MEF2C: variants seen among roughly 807,000 people sequenced by gnomAD.
MEF2C encodes the protein myocyte enhancer factor 2C.
MEF2C carries 6 observed loss-of-function variants against 50.5 expected under a neutral mutation model. The ratio of observed to expected loss-of-function variants is 0.12; its 90% CI spans 0.07 to 0.23. The LOEUF (loss-of-function observed/expected upper bound fraction) is 0.23, where lower values mean the gene tolerates loss of function less well. Among genes scored for constraint, MEF2C ranks in the 10% least tolerant of loss-of-function variants. The pLI is 1.00. For missense variants in MEF2C, 276 were observed against 605.0 expected (o/e 0.46, Z 5.70); for synonymous variants, 183 against 228.0 (o/e 0.80, Z 1.78).
intron 4 of MEF2C, among the ~76,000 whole-genome samples, chr5:88,757,201 C>G (rs1038417399): frequency 2.0e-5 from 3 of 152,138 alleles, no homozygotes; most frequent in African/African-American, 7.2e-5. Context: ...AGTATCTGAA[C>G]TCTCATCCAA....
intron 6 of MEF2C, chr5:88,742,344 A>C (rs1767217538): frequency 2.0e-6 from 2 of 985,086 alleles, no homozygotes; most frequent in Non-Finnish European, 2.4e-6. Flanking sequence ...TGCTTTGAGA[A>C]AAAAAGACAA....
intron 8 of MEF2C, chr5:88,729,646 C>T (rs564286859): frequency 1.8e-5 from 6 of 332,194 alleles, no homozygotes; most frequent in Non-Finnish European, 3.4e-5. Flanking sequence ...AATATGTATA[C>T]TGTACTTCCA....
intron 1 of MEF2C, among the ~76,000 whole-genome samples, chr5:88,833,761 C>A: frequency 6.6e-6 from 1 of 152,132 alleles, no homozygotes; most frequent in East Asian, 1.9e-4. Flanking sequence ...TATGGTTAAA[C>A]TGATAATGGC....
chr5:88,746,783 G>A (rs950893992), intron 6 of MEF2C: 1 of 753,098 alleles, frequency 1.3e-6, no homozygotes, highest in East Asian at 1.3e-4. Context: ...GGACATGACA[G>A]CTAAGCTTGA....
At chr5:88,792,629 T>G (rs1323633434) in intron 3 of MEF2C, among the ~76,000 whole-genome samples, 3 of 152,198 alleles carry the variant, frequency 2.0e-5, no homozygotes, top group Non-Finnish European at 2.9e-5. Context: ...GTTGTATATC[T>G]TCCCTGTTTA....
At chr5:88,841,496 AACTTTGTCT>A (rs1336764266) in intron 1 of MEF2C, among the ~76,000 whole-genome samples, 2 of 145,446 alleles carry the variant, frequency 1.4e-5, no homozygotes, top group African/African-American at 5.3e-5. Flanking sequence ...GATGGAATAA[AACTTTGTCT>A]CAAAAAAAAA....
intron 3 of MEF2C, among the ~76,000 whole-genome samples, chr5:88,795,214 A>C (rs1795504159): frequency 6.6e-6 from 1 of 152,134 alleles, no homozygotes; most frequent in Admixed American, 6.5e-5. Flanking sequence ...GATAGCACTG[A>C]ATCTATAAAT....
At chr5:88,862,955 C>T (rs1825992037) in intron 1 of MEF2C, among the ~76,000 whole-genome samples, 1 of 152,206 alleles carries the variant, frequency 6.6e-6, no homozygotes, top group Non-Finnish European at 1.5e-5. Flanking sequence ...AAGGCCTGCA[C>T]AGCTTTTCTA....
At chr5:88,889,490 C>G (rs545864070) in intron 1 of MEF2C, 1 of 152,464 alleles carries the variant, frequency 6.6e-6, no homozygotes, top group Non-Finnish European at 1.5e-5. Flanking sequence ...GGTGAGTGCG[C>G]CACGTGCGTG....
chr5:88,767,152 A>G (rs1047120629), intron 3 of MEF2C, among the ~76,000 whole-genome samples: 1 of 152,206 alleles, frequency 6.6e-6, no homozygotes, highest in Admixed American at 6.5e-5. Flanking sequence ...ACTTCATTTA[A>G]AATTTATTCG....
chr5:88,843,540 T>C, intron 1 of MEF2C: 4 of 895,186 alleles, frequency 4.5e-6, no homozygotes, highest in Non-Finnish European at 5.3e-6. Context: ...TTATACCTTA[T>C]TCATTTTTTC....
At chr5:88,729,090 ATGCTGCAG>A (rs1212955092) in intron 9 of MEF2C, 120 bp downstream of exon 9, 1 of 970,206 alleles carries the variant, frequency 1.0e-6, no homozygotes, top group African/African-American at 1.7e-5. Context: ...AGAATGGGTA[ATGCTGCAG>A]TGCTGTGGAC....
At chr5:88,726,016 T>C (rs1450423504) in intron 10 of MEF2C, among the ~76,000 whole-genome samples, 2 of 152,170 alleles carry the variant, frequency 1.3e-5, no homozygotes, top group Admixed American at 6.6e-5. Flanking sequence ...CTATAGCAAA[T>C]AAATTTGTGT....
intron 1 of MEF2C, among the ~76,000 whole-genome samples, chr5:88,863,236 C>G (rs1356729992): frequency 2.0e-5 from 3 of 152,200 alleles, no homozygotes; most frequent in Non-Finnish European, 2.9e-5. Context: ...TTTATAATTG[C>G]ACTTTGCATA....
chr5:88,880,731 G>A (rs866768859), intron 1 of MEF2C: 1 of 151,732 alleles, frequency 6.6e-6, no homozygotes, highest in Non-Finnish European at 1.5e-5. Context: ...GAAGAAAAGA[G>A]GCAAAGTGCC....
At chr5:88,838,139 A>G (rs1815910016) in intron 1 of MEF2C, among the ~76,000 whole-genome samples, 1 of 152,208 alleles carries the variant, frequency 6.6e-6, no homozygotes, top group African/African-American at 2.4e-5. Flanking sequence ...TATGCTGCTA[A>G]GTAATATTCA....
intron 3 of MEF2C, among the ~76,000 whole-genome samples, chr5:88,787,137 G>GA (rs558098540): frequency 1.5e-4 from 22 of 148,494 alleles, no homozygotes; most frequent in Non-Finnish European, 2.5e-4. Flanking sequence ...TTGTGGAAAA[G>GA]AAAAAAAAAA....
intron 1 of MEF2C, among the ~76,000 whole-genome samples, chr5:88,862,748 C>T (rs1055691686): frequency 3.3e-5 from 5 of 152,146 alleles, no homozygotes; most frequent in African/African-American, 1.2e-4. Flanking sequence ...TTCCTTTCAG[C>T]TGTGTCTAGG....
At chr5:88,743,488 T>G in intron 6 of MEF2C, 2 of 985,126 alleles carry the variant, frequency 2.0e-6, no homozygotes, top group Non-Finnish European at 2.4e-6. Context: ...TAGTTCTATT[T>G]TGTAATATGC....
Sources: allele counts gnomAD v4.1 joint callset (sites outside exome capture counted in the v4.1 genomes callset), GRCh38; gene constraint gnomAD v4.1.1; transcripts MANE v1.5; gene names NCBI Gene and HGNC (gene_info 2026-07-23, HGNC 2026-07-21).